Variants in ADGRA2 observed in about 807,000 individuals in gnomAD.
ADGRA2 encodes the protein adhesion G protein-coupled receptor A2, also known as G-protein coupled receptor 124.
A neutral mutation model predicts 98.7 loss-of-function variants in ADGRA2; 61 were observed. The ratio of observed to expected loss-of-function variants is 0.62; its 90% confidence interval spans 0.50 to 0.76. The LOEUF is 0.76. ADGRA2 is among the 30% of genes least tolerant of loss of function. The pLI is 0.00. For missense variants in ADGRA2, 1,712 were observed against 1,860.0 expected (o/e 0.92, Z 1.46); for synonymous variants, 858 against 831.5 (o/e 1.03, Z -0.55).
At chr8:37,815,531 C>A (rs1478550234) in intron 2 of ADGRA2, among the ~76,000 whole-genome samples, 1 of 152,250 alleles carries the variant, frequency 6.6e-6, no homozygotes, top group Admixed American at 6.5e-5. Flanking sequence ...GGGCGTTCCC[C>A]GCTAGCCGGC....
At chr8:37,821,650 T>A (rs1294267651) in intron 2 of ADGRA2, among the ~76,000 whole-genome samples, 1 of 152,176 alleles carries the variant, frequency 6.6e-6, no homozygotes, top group East Asian at 1.9e-4. Context: ...CGAGACTGCG[T>A]GCCTGCCAGC....
rs1420483410 is a variant in ADGRA2, at chr8:37,834,881, G to A, written c.1609-293G>A. Among the ~76,000 whole-genome samples, 3 of 152,064 alleles carry A rather than the reference G, an allele frequency of 2.0e-5. No homozygotes were observed. Among genetic ancestry groups the A allele is most frequent in the Non-Finnish European group, 2.9e-5 (2 of 68,020 alleles). The stretch of plus-strand genomic sequence containing the variant: ...ATCTCTAAAAAAAAGTTTTTAATTA[G>A]ATGGGCATGGTAGCATGCCTGTAGT... On this transcript the variant is annotated intron_variant, in intron 11 of 18. Transcript: ENST00000412232. The surrounding 1 kb of genome is among the most constrained non-coding windows in gnomAD (Gnocchi z 4.2).
chr8:37,814,878 T>C lies in ADGRA2; in HGVS notation c.267-18T>C. ...ATAACAGCACCTTGTCCTGTCTGTG[T>C]CCTCTCTGTCTCTTCAGGCTCTTGA... On this transcript the variant is annotated intron_variant, in intron 1 of 18. Coordinates refer to ENST00000412232, the MANE Select transcript of ADGRA2 (RefSeq NM_032777.10). This position sits in a 1 kb window ranked among gnomAD's most constrained non-coding sequence, Gnocchi z 4.3. 2 of 1,594,960 alleles carry C rather than the reference T, an allele frequency of 1.3e-6. No homozygotes were observed. The highest frequency in any genetic ancestry group is 1.7e-6 in the Non-Finnish European group (2 of 1,162,608).
chr8:37,841,146 G>T lies in ADGRA2; in HGVS notation c.2808G>T (p.Leu936=). 1 of 1,612,030 alleles carries T rather than the reference G, an allele frequency of 6.2e-7. No individual in the cohort carries two copies. Among genetic ancestry groups the T allele is most frequent in the Non-Finnish European group, 8.5e-7 (1 of 1,179,794 alleles). ...TCTACATCCCTGTGGCTTTGATTCT[G>T]CTCATCACCTGGATCTATTTCCTGT... The part of the protein sequence containing the change: ...GAFYIPVALI[L]LITWIYFLCA... Residue 936 remains leucine, a synonymous_variant, in exon 19 of 19, where the codon CTG becomes CTT. Coordinates refer to ENST00000412232, the MANE Select transcript of ADGRA2 (RefSeq NM_032777.10). This position sits in a 1 kb window ranked among gnomAD's most constrained non-coding sequence, Gnocchi z 5.0.
At chr8:37,821,765 A>T (rs1805133315) in intron 2 of ADGRA2, among the ~76,000 whole-genome samples, 1 of 152,182 alleles carries the variant, frequency 6.6e-6, no homozygotes, top group Non-Finnish European at 1.5e-5. Flanking sequence ...GTCATTACTT[A>T]ATGAGATTAA....
In ADGRA2 at chr8:37,835,746, AC is replaced by A; in HGVS notation, c.2031del (p.Val678SerfsTer14). The A allele has an allele frequency of 2.5e-6, 4 of 1,612,072 alleles. No homozygotes were observed. The highest frequency in any genetic ancestry group is 3.4e-6 in the Non-Finnish European group (4 of 1,179,024). Reference sequence around the variant, plus strand: ...GCCTGGCAAGAGGCGTGGCGTGGCCACCCCCGTCATCTTCGCAGGAACCAGT... The same window carrying A: ...GCCTGGCAAGAGGCGTGGCGTGGCCACCCCGTCATCTTCGCAGGAACCAGT... ...AGPGKRRGVA[T>X]PVIFAGTSGC... On this transcript the variant is annotated frameshift_variant, in exon 13 of 19. Coordinates refer to ENST00000412232, the MANE Select transcript of ADGRA2 (RefSeq NM_032777.10). LOFTEE classifies it high-confidence loss of function.
rs1360598937 is a variant in ADGRA2 at position 37,829,518 on chromosome 8, G to T, written c.513G>T (p.Leu171=). Residue 171 remains leucine, a synonymous_variant, in exon 5 of 19, where the codon CTG becomes CTT. Coordinates refer to ENST00000412232, the MANE Select transcript of ADGRA2 (RefSeq NM_032777.10). ...LNISGNIFSS[L]QPGVFDELPA... is the part of the protein sequence containing the mutation. ...TATCTGGAAACATCTTCTCCAGTCT[G>T]CAACCTGGGGTCTTTGATGAGCTGC... The T allele has an allele frequency of 1.2e-6, 2 of 1,613,602 alleles. No individual in the cohort carries two copies. The highest frequency in any genetic ancestry group is 1.7e-6 in the Non-Finnish European group (2 of 1,179,662).
chr8:37,803,407 C>T (rs954253897), intron 1 of ADGRA2, among the ~76,000 whole-genome samples: 2 of 152,046 alleles, frequency 1.3e-5, no homozygotes, highest in South Asian at 2.1e-4. Context: ...AGAGCAGGGG[C>T]GGGGAGAGGA....
At chr8:37,833,910 C>G in intron 10 of ADGRA2, 57 bp from the exon 11 acceptor site, 1 of 1,605,088 alleles carries the variant, frequency 6.2e-7, no homozygotes, top group Non-Finnish European at 8.5e-7. Flanking sequence ...CTCTCTCACT[C>G]CAGCTCCTGG....
At chr8:37,798,264 G>A (rs1804401169) in intron 1 of ADGRA2, among the ~76,000 whole-genome samples, 1 of 152,212 alleles carries the variant, frequency 6.6e-6, no homozygotes, top group South Asian at 2.1e-4. Context: ...TCGAGCTTTG[G>A]CTGTTTCTCC....
rs1225208937 is a variant in ADGRA2, at chr8:37,802,557, C to T, written c.266+5023C>T. The stretch of plus-strand genomic sequence containing the variant: ...CCACTCCCCTCCCCACCCAGGGGTG[C>T]AGGTCTTAGCTGCGGCACCCCCACC... On this transcript the variant is annotated intron_variant, in intron 1 of 18. Transcript: ENST00000412232. This position sits in a 1 kb window ranked among gnomAD's most constrained non-coding sequence, Gnocchi z 4.7. Among the ~76,000 whole-genome samples, 1 of 152,170 alleles carries T rather than the reference C, an allele frequency of 6.6e-6. No homozygotes were observed. The highest frequency in any genetic ancestry group is 1.5e-5 in the Non-Finnish European group (1 of 68,022).
intron 7 of ADGRA2, 52 bp from the exon 8 acceptor site, chr8:37,831,370 AC>A: frequency 1.3e-6 from 2 of 1,574,022 alleles, no homozygotes; most frequent in Non-Finnish European, 1.7e-6. Context: ...AGGGAGGGCA[AC>A]GTGGCTGGGC....
At chr8:37,819,899 G>A (rs1004160001) in intron 2 of ADGRA2, among the ~76,000 whole-genome samples, 1 of 150,598 alleles carries the variant, frequency 6.6e-6, no homozygotes, top group East Asian at 2.0e-4. Flanking sequence ...TCGAACTCCT[G>A]ACCTCAAGTG....
At chr8:37,813,673 T>A (rs1441167487) in intron 1 of ADGRA2, among the ~76,000 whole-genome samples, 3 of 152,104 alleles carry the variant, frequency 2.0e-5, no homozygotes, top group Non-Finnish European at 4.4e-5. Flanking sequence ...AGATGAGGTC[T>A]CCACCCCTCC....
intron 2 of ADGRA2, among the ~76,000 whole-genome samples, chr8:37,825,872 G>A (rs1009024926): frequency 4.6e-5 from 7 of 152,174 alleles, no homozygotes; most frequent in African/African-American, 1.4e-4. Context: ...AAGGGCACTC[G>A]TGGGGGCTGC....
intron 15 of ADGRA2, 38 bp from the exon 16 acceptor site, chr8:37,839,461 G>T (rs774210499): frequency 2.3e-5 from 37 of 1,612,322 alleles, no homozygotes; most frequent in Non-Finnish European, 3.1e-5. Flanking sequence ...CCTGACCTTG[G>T]GTTGGACGGC....
At chr8:37,828,160 C>CAA (rs1189976838) in intron 2 of ADGRA2, among the ~76,000 whole-genome samples, 3 of 151,868 alleles carry the variant, frequency 2.0e-5, no homozygotes, top group Admixed American at 6.6e-5. Context: ...CAAAACAAAA[C>CAA]AACTACCCCT....
chr8:37,828,634 T>G (rs1176800353), intron 2 of ADGRA2, among the ~76,000 whole-genome samples: 1 of 144,902 alleles, frequency 6.9e-6, no homozygotes, highest in East Asian at 2.0e-4. Context: ...CTGCCACACC[T>G]GGCTAATTTT....
In ADGRA2 at chr8:37,802,226, A is replaced by G. The variant is rs958932270; in HGVS notation, c.266+4692A>G. ...AGGGCCCCTCGTTACAGCCACCAGG[A>G]TCCAGTTAGGGGAATTTGGGCAAAG... is the stretch of plus-strand genomic sequence containing the variant. On this transcript the variant is annotated intron_variant, in intron 1 of 18. Transcript: ENST00000412232. The surrounding 1 kb of genome is among the most constrained non-coding windows in gnomAD (Gnocchi z 4.7). Among the ~76,000 whole-genome samples the G allele has an allele frequency of 6.6e-6, 1 of 152,148 alleles. No individual in the cohort carries two copies. The highest frequency in any genetic ancestry group is 2.4e-5 in the African/African-American group (1 of 41,450).
Sources: allele counts gnomAD v4.1 joint callset (sites outside exome capture counted in the v4.1 genomes callset), GRCh38; gene constraint gnomAD v4.1.1; non-coding constraint Gnocchi (gnomAD v3.1); transcripts MANE v1.5; gene names NCBI Gene and HGNC (gene_info 2026-07-23, HGNC 2026-07-21).